Variants in F13B observed in about 807,000 individuals in gnomAD.
The protein encoded by F13B is coagulation factor XIII B chain, also known as TGase.
Under a neutral mutation model 79.8 loss-of-function variants are expected in F13B, and 58 were observed. The ratio of observed to expected loss-of-function variants is 0.73; its 90% confidence interval spans 0.59 to 0.90. The LOEUF (loss-of-function observed/expected upper bound fraction) is 0.90. Ranked by LOEUF, F13B falls within the 40% of genes least tolerant of loss-of-function variation. The pLI is 0.00. For synonymous variants in F13B, 283 were observed against 260.3 expected, an observed-to-expected ratio of 1.09 and a Z score of -0.84; for missense variants, 773 against 777.0, an observed-to-expected ratio of 0.99 and a Z score of 0.06.
At chr1:197,055,651 A>G in intron 8 of F13B, 64 bp downstream of exon 8, 2 of 1,515,658 alleles carry the variant, frequency 1.3e-6, no homozygotes, top group Non-Finnish European at 1.8e-6. Flanking sequence ...TTCATGATAT[A>G]AAACACTGTA....
At chr1:197,063,109 A>G in intron 1 of F13B, 52 bp from the exon 2 acceptor site, 2 of 1,516,482 alleles carry the variant, frequency 1.3e-6, no homozygotes, top group South Asian at 1.1e-5. Flanking sequence ...CTAAAAACAT[A>G]AATTTGTAAT....
intron 10 of F13B, among the ~76,000 whole-genome samples, chr1:197,049,582 C>T (rs1655365709): frequency 6.6e-6 from 1 of 152,088 alleles, no homozygotes; most frequent in Non-Finnish European, 1.5e-5. Flanking sequence ...GTCAATTTGT[C>T]TTTTCACGGA....
At chr1:197,053,163 C>T (rs529660228) in intron 8 of F13B, among the ~76,000 whole-genome samples, 87 of 152,118 alleles carry the variant, frequency 5.7e-4, no homozygotes, top group African/African-American at 1.8e-3. Flanking sequence ...AGAAAACCTG[C>T]TAATGAATAA....
At chr1:197,060,859 T>G in intron 4 of F13B, 40 bp downstream of exon 4, 3 of 1,577,764 alleles carry the variant, frequency 1.9e-6, no homozygotes, top group Non-Finnish European at 1.7e-6. Flanking sequence ...AGAAAAAGCT[T>G]TCAGAGTGAG....
chr1:197,063,646 T>C (rs770644535), intron 1 of F13B, among the ~76,000 whole-genome samples: 8 of 152,184 alleles, frequency 5.3e-5, no homozygotes, highest in Non-Finnish European at 1.2e-4. Flanking sequence ...ATATGTATTG[T>C]AAGTCACTTA....
Position 197,053,257 on chromosome 1 carries a change from A to C in F13B, c.1355-423T>G, listed in dbSNP as rs562972850. Among the ~76,000 whole-genome samples, 12 of 152,234 alleles carry C rather than the reference A, an allele frequency of 7.9e-5. No homozygotes were observed. The South Asian group carries it at 2.5e-3, about 32-fold the overall frequency. ...CATAATAAATATAATAAAGACATGA[A>C]TTGTATAATTTGTGGCTGATATGGT... On this transcript the variant is annotated intron_variant, in intron 8 of 11. Coordinates refer to ENST00000367412, the MANE Select transcript of F13B (RefSeq NM_001994.3).
rs755812405 is a variant in F13B at position 197,060,993 on chromosome 1, G to GT, written c.533dup (p.Tyr178Ter). 5 of 1,609,888 alleles carry GT rather than the reference G, an allele frequency of 3.1e-6. No individual in the cohort carries two copies. In the South Asian group the frequency reaches 5.5e-5, roughly 18 times the overall value. ...CTGTGTAGTAGCCAGTAGCACATTC[G>GT]TATTGTACTTTGTCCTTCACTTTGA... is the stretch of plus-strand genomic sequence containing the variant. Reference protein sequence around the residue: ...KTFKVKDKVQYECATGYYTAG... With the variant: ...KTFKVKDKVQ The change falls in exon 4 of 12, where the codon TAC becomes TAAC. Residue 178 changes from tyrosine (Y) to a stop codon, truncating the protein, a stop_gained and frameshift_variant. Coordinates refer to ENST00000367412, the MANE Select transcript of F13B (RefSeq NM_001994.3). LOFTEE classifies it high-confidence loss of function.
chr1:197,067,170 G>T lies in F13B; in HGVS notation c.54C>A (p.Leu18=). The T allele has an allele frequency of 6.3e-7, 1 of 1,590,756 alleles. No individual in the cohort carries two copies. Among genetic ancestry groups the T allele is most frequent in the Non-Finnish European group, 8.6e-7 (1 of 1,160,168 alleles). The part of the protein sequence containing the change: ...FIIILIISGE[L]YAEEKPCGFP... ...AAGAATTAATTTTACCTTCTGCATAGAGTTCTCCTGAGATTATCAATATGA... is the reference window on the plus strand; with the variant it reads ...AAGAATTAATTTTACCTTCTGCATATAGTTCTCCTGAGATTATCAATATGA... The change falls in exon 1 of 12, where the codon CTC becomes CTA. Residue 18 remains leucine (L), a synonymous_variant. Coordinates refer to ENST00000367412, the MANE Select transcript of F13B (RefSeq NM_001994.3).
intron 1 of F13B, among the ~76,000 whole-genome samples, chr1:197,063,472 A>T (rs1655941385): frequency 6.6e-6 from 1 of 151,898 alleles, no homozygotes; most frequent in African/African-American, 2.4e-5. Context: ...ATGCCACCAC[A>T]TCTGGCTAAT....
In F13B at chr1:197,057,065, C is replaced by T. The variant is rs748779845; in HGVS notation, c.1119G>A (p.Ser373=). ...TTCCACGATTACAAGTTATCTCATT[C>T]GATCCATGGAGAAGGTAGCCGCTTT... ...ACKSGYLLHG[S]NEITCNRGKW... Residue 373 remains serine (S), a synonymous_variant, in exon 7 of 12, where the codon TCG becomes TCA. Coordinates refer to ENST00000367412, the MANE Select transcript of F13B (RefSeq NM_001994.3). The T allele has an allele frequency of 3.1e-5, 50 of 1,613,572 alleles. No individual in the cohort carries two copies. Among genetic ancestry groups the T allele is most frequent in the Non-Finnish European group, 3.6e-5 (42 of 1,179,878 alleles).
Position 197,063,123 on chromosome 1 carries a change from G to T in F13B, c.65-66C>A. ...TCTAAAAACATAAATTTGTAATCAG[G>T]TGACAATACAAACTAAAAGTTTTTA... On this transcript the variant is annotated intron_variant, in intron 1 of 11. Transcript: ENST00000367412. 4 of 1,419,182 alleles carry T rather than the reference G, an allele frequency of 2.8e-6. 1 individual carries two copies. In the South Asian group the frequency reaches 4.7e-5, roughly 17 times the overall value. 87.9% of individuals were successfully genotyped at this position (1,419,182 alleles called of 1,614,324 possible).
At position 197,061,865 on chromosome 1, in the gene F13B, T is replaced by A. The variant is rs779600903; in HGVS notation, c.370A>T (p.Thr124Ser). The A allele has an allele frequency of 6.2e-7, 1 of 1,613,236 alleles. No individual in the cohort carries two copies. Among genetic ancestry groups the A allele is most frequent in the Non-Finnish European group, 8.5e-7 (1 of 1,179,640 alleles). Residue 124 changes from threonine (T) to serine (S), a missense_variant, in exon 3 of 12, where the codon ACC becomes TCC. By Grantham distance (58) the Thr-to-Ser change is moderately conservative (BLOSUM62 1). Transcript: ENST00000367412. ...MRYGCASGYKTTGGKDEEVVQ... is the reference protein window; with the variant it reads ...MRYGCASGYKSTGGKDEEVVQ... ...ACTTCTTCATCCTTCCCTCCAGTGG[T>A]TTTGTACCCTGAAGCGCAACCATAA...
intron 10 of F13B, among the ~76,000 whole-genome samples, chr1:197,046,413 A>G (rs1397499162): frequency 6.6e-6 from 1 of 152,194 alleles, no homozygotes; most frequent in Non-Finnish European, 1.5e-5. Flanking sequence ...CCCCATTCAC[A>G]ATTACTTCAA....
Position 197,050,807 on chromosome 1 carries a change from T to G in F13B, c.1628A>C (p.Tyr543Ser), listed in dbSNP as rs6001. The change falls in exon 10 of 12, where the codon TAT becomes TCT. Residue 543 changes from tyrosine to serine, a missense_variant. Physicochemically the swap from Tyr to Ser is moderately radical, Grantham distance 144. Transcript: ENST00000367412. ...GTATTCTACTGAAGAGCCATTTTCA[T>G]AGGTGTCTACTGTTGAACTAATAAT... ...GVIISSTVDT[Y>S]ENGSSVEYRC... The G allele has an allele frequency of 6.2e-7, 1 of 1,613,426 alleles. No individual in the cohort carries two copies. The highest frequency in any genetic ancestry group is 8.5e-7 in the Non-Finnish European group (1 of 1,179,598).
In F13B at chr1:197,052,644, A is replaced by C. The variant is rs758797770; in HGVS notation, c.1545T>G (p.Cys515Trp). The change falls in exon 9 of 12, where the codon TGT becomes TGG. Residue 515 changes from cysteine to tryptophan, a missense_variant. Cys to Trp is a radical substitution (Grantham distance 215). Transcript: ENST00000367412. ...CNRGEVKYPL[C>W]TRKESKGMCT... ...ACATTATTATTTTACCTTTTCTAGT[A>C]CATAAAGGATATTTCACTTCTCCTC... is the stretch of plus-strand genomic sequence containing the variant. 22 of 1,607,986 alleles carry C rather than the reference A, an allele frequency of 1.4e-5. No homozygotes were observed. The highest frequency in any genetic ancestry group is 8.5e-7 in the Non-Finnish European group (1 of 1,175,834).
intron 8 of F13B, among the ~76,000 whole-genome samples, chr1:197,054,862 AAAAG>A (rs1447225419): frequency 6.6e-6 from 1 of 152,038 alleles, no homozygotes; most frequent in Non-Finnish European, 1.5e-5. Context: ...AATTAATAGA[AAAAG>A]AATTAAAATT....
chr1:197,041,064 T>C (rs1340208788), intron 10 of F13B, among the ~76,000 whole-genome samples: 1 of 152,184 alleles, frequency 6.6e-6, no homozygotes, highest in Non-Finnish European at 1.5e-5. Context: ...GGGGGAAGCA[T>C]TGACAGTTAC....
At chr1:197,053,448 G>T (rs1382369207) in intron 8 of F13B, among the ~76,000 whole-genome samples, 1 of 151,966 alleles carries the variant, frequency 6.6e-6, no homozygotes, top group Non-Finnish European at 1.5e-5. Context: ...TTTATAAAGG[G>T]GAGTTTCCCT....
At position 197,057,194 on chromosome 1, in the gene F13B, T is replaced by A. The variant is rs1053903340; in HGVS notation, c.990A>T (p.Gly330=). The change falls in exon 7 of 12, where the codon GGA becomes GGT. Residue 330 remains glycine (G), a synonymous_variant. Transcript: ENST00000367412. ...KWTEPPKCIE[G]QEKVACEEPP... ...GTTCCTCACAGGCTACCTTCTCCTG[T>A]CCTTCTGAAAAGGTACAGTTGAAAG... 1.2e-6 allele frequency: 2 copies of A among 1,613,814 alleles called. No homozygotes were observed. The highest frequency in any genetic ancestry group is 1.7e-6 in the Non-Finnish European group (2 of 1,179,930).
Sources: gnomAD v4.1 joint callset for allele counts (sites outside exome capture counted in the v4.1 genomes callset) on GRCh38, gnomAD v4.1.1 for gene constraint, MANE v1.5 for transcripts, NCBI Gene and HGNC (gene_info 2026-07-23, HGNC 2026-07-21) for gene names.